Variants in HHLA2 observed in about 807,000 individuals in gnomAD.
HHLA2 encodes HERV-H LTR-associating protein 2.
A neutral mutation model predicts 45.9 loss-of-function variants in HHLA2; 48 were observed. The observed-to-expected ratio is 1.05, with a 90% CI of 0.83 to 1.33. The LOEUF is 1.33. HHLA2 is among the 40% of genes most tolerant of loss of function. The probability of loss-of-function intolerance (pLI) is 0.00; values close to 1 mark genes in which losing one functional copy is unlikely to be tolerated. For synonymous variants in HHLA2, 161 were observed against 173.9 expected (o/e 0.93, Z 0.59); for missense variants, 462 against 494.3 (o/e 0.93, Z 0.62).
chr3:108,364,174 T>C (rs905960703), intron 8 of HHLA2, among the ~76,000 whole-genome samples: 9 of 152,048 alleles, frequency 5.9e-5, no homozygotes, highest in African/African-American at 2.2e-4. Context: ...CCCCAGTGTG[T>C]GATGTTCCCC....
chr3:108,354,961 G>A (rs1319484576), intron 5 of HHLA2, among the ~76,000 whole-genome samples, 154 bp from the exon 5 acceptor site: 5 of 152,162 alleles, frequency 3.3e-5, no homozygotes, highest in Non-Finnish European at 5.9e-5. Context: ...AGAGGTGTGT[G>A]TTTGTTGGTT....
chr3:108,377,328 G>A (rs1405949683), exon 11 of HHLA2: 1 of 1,398,002 alleles, frequency 7.2e-7, no homozygotes, highest in Admixed American at 1.8e-5. Context: ...TTAATATCCA[G>A]TGACTTCATC....
intron 3 of HHLA2, among the ~76,000 whole-genome samples, chr3:108,328,927 G>A (rs2081337728): frequency 6.6e-6 from 1 of 152,150 alleles, no homozygotes; most frequent in South Asian, 2.1e-4. Context: ...ACTGAGAGCA[G>A]CAAGTATGAA....
chr3:108,375,834 C>T (rs1426226820), intron 9 of HHLA2, 34 bp downstream of exon 8: 1 of 1,604,866 alleles, frequency 6.2e-7, no homozygotes, highest in Non-Finnish European at 8.5e-7. Context: ...AGAATGGATT[C>T]TGGTTCTGGA....
intron 3 of HHLA2, among the ~76,000 whole-genome samples, chr3:108,341,788 C>G (rs940699277): frequency 2.0e-5 from 3 of 152,198 alleles, no homozygotes; most frequent in Non-Finnish European, 2.9e-5. Context: ...TCAGCACAGA[C>G]AGGAGCAGAG....
At chr3:108,335,755 C>T (rs746375866) in intron 3 of HHLA2, among the ~76,000 whole-genome samples, 4 of 152,096 alleles carry the variant, frequency 2.6e-5, no homozygotes, top group Admixed American at 1.3e-4. Context: ...GCTGCTGCTT[C>T]GGACTTTCTG....
At chr3:108,328,400 T>C in intron 3 of HHLA2, 1 of 1,206,620 alleles carries the variant, frequency 8.3e-7, no homozygotes, top group Non-Finnish European at 1.1e-6. Flanking sequence ...CAGCTATTTA[T>C]TTGAAAATTA....
At chr3:108,369,693 A>G (rs2082132492) in intron 8 of HHLA2, among the ~76,000 whole-genome samples, 1 of 152,010 alleles carries the variant, frequency 6.6e-6, no homozygotes. Flanking sequence ...AGGGTCCTAC[A>G]CCCACGGAGT....
chr3:108,329,038 C>G (rs1445524192), intron 3 of HHLA2, among the ~76,000 whole-genome samples: 1 of 152,144 alleles, frequency 6.6e-6, no homozygotes, highest in Non-Finnish European at 1.5e-5. Flanking sequence ...TCAGCATGAA[C>G]AGTTGGCTCA....
At chr3:108,359,348 G>C (rs1055051424) in intron 7 of HHLA2, among the ~76,000 whole-genome samples, 3 of 152,120 alleles carry the variant, frequency 2.0e-5, no homozygotes, top group Non-Finnish European at 2.9e-5. Flanking sequence ...TGGCCAGGTG[G>C]GGCTGGGGGA....
At position 108,372,516 on chromosome 3, in the gene HHLA2, C is replaced by CA. The variant is rs372760450; in HGVS notation, c.1109-3227dup. Among the ~76,000 whole-genome samples, 3 of 148,766 alleles carry CA rather than the reference C, an allele frequency of 2.0e-5. No individual in the cohort carries two copies. In the South Asian group the frequency reaches 6.4e-4, roughly 32 times the overall value. On this transcript the variant is annotated intron_variant, in intron 8 of 10. Coordinates refer to ENST00000619531, the Ensembl canonical transcript of HHLA2. ...GGAAATAGAGACACAAAAAACCCTT[C>CA]AAAAAAATCAATGAATCCAGGAGCT...
At chr3:108,320,768 T>C (rs2081185898) in intron 2 of HHLA2, among the ~76,000 whole-genome samples, 1 of 152,054 alleles carries the variant, frequency 6.6e-6, no homozygotes, top group South Asian at 2.1e-4. Context: ...CCTGGGACTT[T>C]ATAAGGGGGC....
chr3:108,296,756 G>T (rs919662138), intron 1 of HHLA2, among the ~76,000 whole-genome samples, 157 bp downstream of exon 1: 2 of 152,186 alleles, frequency 1.3e-5, no homozygotes, highest in Non-Finnish European at 2.9e-5. Flanking sequence ...TATGTATTGT[G>T]CATATGCACC....
chr3:108,340,140 T>A (rs1451667275), intron 3 of HHLA2, among the ~76,000 whole-genome samples: 1 of 151,762 alleles, frequency 6.6e-6, no homozygotes, highest in African/African-American at 2.4e-5. Flanking sequence ...AGGGCTAAGG[T>A]TTAGGGAAAG....
intron 8 of HHLA2, among the ~76,000 whole-genome samples, chr3:108,375,445 T>C (rs1052532306): frequency 1.3e-5 from 2 of 152,092 alleles, no homozygotes; most frequent in African/African-American, 4.8e-5. Flanking sequence ...AACCTGTATG[T>C]TGTGCACATG....
intron 3 of HHLA2, among the ~76,000 whole-genome samples, chr3:108,342,802 C>T (rs1023714902): frequency 6.6e-6 from 1 of 152,168 alleles, no homozygotes; most frequent in African/African-American, 2.4e-5. Context: ...TAACCTTCTA[C>T]TCTTCCTTAT....
chr3:108,364,132 C>T (rs2082025141), intron 8 of HHLA2, among the ~76,000 whole-genome samples: 1 of 152,016 alleles, frequency 6.6e-6, no homozygotes, highest in Admixed American at 6.6e-5. Flanking sequence ...ACCTGATGCC[C>T]TCCCTCCCCT....
At chr3:108,362,266 C>A in intron 7 of HHLA2, 76 bp from the exon 7 acceptor site, 1 of 1,033,212 alleles carries the variant, frequency 9.7e-7, no homozygotes, top group Non-Finnish European at 1.5e-6. Context: ...ATACTCCACC[C>A]TTACCCACCC....
intron 2 of HHLA2, among the ~76,000 whole-genome samples, chr3:108,319,453 A>G (rs780188008): frequency 6.6e-6 from 1 of 152,110 alleles, no homozygotes; most frequent in Admixed American, 6.5e-5. Flanking sequence ...TCCTTCTTGA[A>G]TATTCTACCA....
Sources: allele counts gnomAD v4.1 joint callset (sites outside exome capture counted in the v4.1 genomes callset), GRCh38; gene constraint gnomAD v4.1.1; transcripts MANE v1.5; gene names NCBI Gene and HGNC (gene_info 2026-07-23, HGNC 2026-07-21).